The following EXT1 variants were observed in gnomAD, a reference collection of about 807,000 sequenced individuals.
EXT1 encodes the protein exostosin-1.
In EXT1, 20 loss-of-function variants were observed where a neutral mutation model predicts 82.5. The observed-to-expected ratio is 0.24, with a 90% CI of 0.17 to 0.35. The LOEUF (loss-of-function observed/expected upper bound fraction) is 0.35, where lower values mean the gene tolerates loss of function less well. EXT1 is among the 10% of genes least tolerant of loss of function. The probability of loss-of-function intolerance (pLI) is 1.00; values close to 1 mark genes in which losing one functional copy is unlikely to be tolerated. For missense variants in EXT1, 757 were observed against 936.5 expected, an observed-to-expected ratio of 0.81 and a Z score of 2.50; for synonymous variants, 348 against 350.8, an observed-to-expected ratio of 0.99 and a Z score of 0.09.
intron 1 of EXT1, among the ~76,000 whole-genome samples, chr8:117,908,839 G>C (rs1306854503): frequency 1.3e-5 from 2 of 151,996 alleles, no homozygotes; most frequent in Non-Finnish European, 2.9e-5. Flanking sequence ...AAAAATTCCA[G>C]GCGGCTGGGT....
At chr8:118,070,275 T>TGTGTGTGTGC (rs1340069009) in intron 1 of EXT1, among the ~76,000 whole-genome samples, 1 of 132,870 alleles carries the variant, frequency 7.5e-6, no homozygotes, top group Non-Finnish European at 1.6e-5. Flanking sequence ...TGTGTGTGTG[T>TGTGTGTGTGC]GCATATCATA....
chr8:117,898,580 A>G (rs1314367901), intron 1 of EXT1, among the ~76,000 whole-genome samples: 4 of 152,124 alleles, frequency 2.6e-5, no homozygotes, highest in Admixed American at 1.3e-4. Flanking sequence ...TTATTTTCCC[A>G]CTGTTACTTT....
chr8:117,900,201 T>C (rs1017554277), intron 1 of EXT1, among the ~76,000 whole-genome samples: 2 of 152,040 alleles, frequency 1.3e-5, no homozygotes, highest in African/African-American at 4.8e-5. Context: ...TGACCAGAAA[T>C]GACGCCTGAG....
intron 4 of EXT1, among the ~76,000 whole-genome samples, chr8:117,825,985 C>A (rs957768285): frequency 6.6e-6 from 1 of 152,160 alleles, no homozygotes; most frequent in African/African-American, 2.4e-5. Flanking sequence ...ATCCTTAGTG[C>A]AGGTTATTGT....
chr8:117,849,403 G>A (rs892356595), intron 1 of EXT1, among the ~76,000 whole-genome samples: 5 of 152,260 alleles, frequency 3.3e-5, no homozygotes, highest in Middle Eastern at 3.4e-3. Context: ...AATCTTTTAG[G>A]AAATATTTGT....
chr8:118,095,786 C>T (rs1400310089), intron 1 of EXT1, among the ~76,000 whole-genome samples: 2 of 152,158 alleles, frequency 1.3e-5, no homozygotes, highest in Non-Finnish European at 2.9e-5. Context: ...ATTTTTAAGA[C>T]CCACTAAGAA....
At chr8:117,808,087 C>T (rs1823264090) in intron 8 of EXT1, among the ~76,000 whole-genome samples, 1 of 152,064 alleles carries the variant, frequency 6.6e-6, no homozygotes, top group South Asian at 2.1e-4. Flanking sequence ...TTATAGTAGC[C>T]CAAAGCAGGT....
chr8:117,850,623 C>T (rs17474832), intron 1 of EXT1, among the ~76,000 whole-genome samples: 168 of 152,284 alleles, frequency 1.1e-3, no homozygotes, highest in African/African-American at 3.9e-3. Context: ...CTTGCAAAAC[C>T]ATTTCCAAAG....
At chr8:117,985,939 A>G (rs375198820) in intron 1 of EXT1, among the ~76,000 whole-genome samples, 1 of 152,204 alleles carries the variant, frequency 6.6e-6, no homozygotes, top group Non-Finnish European at 1.5e-5. Flanking sequence ...CTTCAACTTC[A>G]ATAATATAAT....
chr8:118,096,859 C>T (rs1243658985), intron 1 of EXT1, among the ~76,000 whole-genome samples: 1 of 152,132 alleles, frequency 6.6e-6, no homozygotes, highest in African/African-American at 2.4e-5. Context: ...GAGCTACAAA[C>T]CAAAGACAGT....
At chr8:117,886,342 A>G (rs1260455847) in intron 1 of EXT1, among the ~76,000 whole-genome samples, 1 of 152,218 alleles carries the variant, frequency 6.6e-6, no homozygotes, top group Non-Finnish European at 1.5e-5. Flanking sequence ...CTAGGGTTCC[A>G]GTGTTCTGTT....
rs545835942 is a variant in EXT1, at chr8:117,940,017, A to T, written c.963-102816T>A. 2.6e-5 allele frequency among the ~76,000 whole-genome samples: 4 copies of T among 152,346 alleles called. No individual in the cohort carries two copies. In the East Asian group the frequency reaches 5.8e-4, roughly 22 times the overall value. Reference sequence around the variant, plus strand: ...CATGGTGGCCCTTTTCCATCCCCTGACATGATTCTTGGGTCCACCATGGAT... The same window carrying T: ...CATGGTGGCCCTTTTCCATCCCCTGTCATGATTCTTGGGTCCACCATGGAT... On this transcript the variant is annotated intron_variant, in intron 1 of 10. Coordinates refer to ENST00000378204, the MANE Select transcript of EXT1 (RefSeq NM_000127.3).
intron 1 of EXT1, among the ~76,000 whole-genome samples, chr8:118,034,947 GC>G (rs1272689976): frequency 6.6e-6 from 1 of 152,168 alleles, no homozygotes; most frequent in Non-Finnish European, 1.5e-5. Context: ...GGTATTAGGA[GC>G]AAAAGGTGAG....
chr8:118,045,479 A>G (rs950020531), intron 1 of EXT1, among the ~76,000 whole-genome samples: 1 of 152,154 alleles, frequency 6.6e-6, no homozygotes, highest in Non-Finnish European at 1.5e-5. Context: ...CTCATCCCCA[A>G]ATGTGCAATC....
rs1586990482 is a variant in EXT1 at position 117,807,478 on chromosome 8, C to A, written c.1723-101G>T. 9.6e-6 allele frequency: 13 copies of A among 1,353,522 alleles called. No homozygotes were observed. In the East Asian group the frequency reaches 3.1e-4, roughly 33 times the overall value. The allele number at this position is 1,353,522 out of a possible 1,614,324, so 83.8% of individuals were successfully genotyped here. A position where few individuals can be genotyped will look rare whatever the true frequency, so the allele number is the denominator to read the frequency against. ...TAATTCATAATGCAAAATCCGGGGA[C>A]TGTGGCGAAACATTAATTCTATGTA... On this transcript the variant is annotated intron_variant, in intron 8 of 10. Coordinates refer to ENST00000378204, the MANE Select transcript of EXT1 (RefSeq NM_000127.3).
chr8:118,068,318 C>T (rs1817027319), intron 1 of EXT1, among the ~76,000 whole-genome samples: 2 of 152,224 alleles, frequency 1.3e-5, no homozygotes, highest in Admixed American at 1.3e-4. Flanking sequence ...AGGGAGATCA[C>T]ACCAGTTTTT....
intron 1 of EXT1, among the ~76,000 whole-genome samples, chr8:118,069,731 T>G (rs1455592453): frequency 6.6e-6 from 1 of 152,140 alleles, no homozygotes; most frequent in African/African-American, 2.4e-5. Context: ...TTTTTGTTTT[T>G]ATTTCTTTTT....
intron 1 of EXT1, among the ~76,000 whole-genome samples, chr8:118,083,279 A>C (rs1817363338): frequency 1.3e-5 from 2 of 152,252 alleles, no homozygotes; most frequent in African/African-American, 4.8e-5. Flanking sequence ...TCAATGCCTG[A>C]GTGAATAATC....
chr8:117,887,064 A>G (rs1813158522), intron 1 of EXT1, among the ~76,000 whole-genome samples: 1 of 152,194 alleles, frequency 6.6e-6, no homozygotes. Context: ...TTGACGATAT[A>G]GCCTCTGTTT....
Sources: gnomAD v4.1 joint callset for allele counts (sites outside exome capture counted in the v4.1 genomes callset) on GRCh38, gnomAD v4.1.1 for gene constraint, MANE v1.5 for transcripts, NCBI Gene and HGNC (gene_info 2026-07-23, HGNC 2026-07-21) for gene names.